COL25A1: variants seen among roughly 807,000 people sequenced by gnomAD.
COL25A1 encodes collagen type XXV alpha 1 chain, also known as collagen alpha-1(XXV) chain.
In COL25A1, 103 loss-of-function variants were observed where a neutral mutation model predicts 128.4. The observed-to-expected ratio is 0.80, with a 90% CI of 0.68 to 0.94. The LOEUF is 0.94. Among genes scored for constraint, COL25A1 ranks in the 40% least tolerant of loss-of-function variants. COL25A1 has a pLI of 0.00. For synonymous variants in COL25A1, 279 were observed against 277.2 expected (o/e 1.01, Z -0.06); for missense variants, 745 against 840.0 (o/e 0.89, Z 1.40).
chr4:108,848,604 T>C (rs562232156), intron 27 of COL25A1, among the ~76,000 whole-genome samples, 155 bp downstream of exon 27: 6 of 152,296 alleles, frequency 3.9e-5, no homozygotes, highest in South Asian at 2.1e-4. Context: ...AAAACTAATG[T>C]CTGCTTTTTA....
At chr4:109,043,975 C>A (rs1259085722) in intron 5 of COL25A1, among the ~76,000 whole-genome samples, 1 of 151,922 alleles carries the variant, frequency 6.6e-6, no homozygotes, top group Non-Finnish European at 1.5e-5. Context: ...ATATGTGTTA[C>A]CTTTATGAGA....
intron 32 of COL25A1, among the ~76,000 whole-genome samples, chr4:108,829,322 G>A (rs1435073964): frequency 6.6e-6 from 1 of 152,092 alleles, no homozygotes; most frequent in Non-Finnish European, 1.5e-5. Context: ...GGGGAACAAG[G>A]TGAGACCCTA....
intron 3 of COL25A1, among the ~76,000 whole-genome samples, chr4:109,258,353 G>C (rs1781214388): frequency 6.6e-6 from 1 of 151,988 alleles, no homozygotes; most frequent in African/African-American, 2.4e-5. Context: ...TATTGCCCTA[G>C]TCAACCTGTG....
intron 23 of COL25A1, among the ~76,000 whole-genome samples, chr4:108,860,027 G>A (rs970803567): frequency 2.0e-5 from 3 of 152,152 alleles, no homozygotes; most frequent in African/African-American, 4.8e-5. Flanking sequence ...CTACTCTGAT[G>A]TGACATGTAA....
intron 3 of COL25A1, among the ~76,000 whole-genome samples, chr4:109,237,266 C>T (rs1779537992): frequency 6.6e-6 from 1 of 151,978 alleles, no homozygotes; most frequent in African/African-American, 2.4e-5. Flanking sequence ...AAAATAAGTG[C>T]TGAGGCATAA....
At chr4:109,190,468 T>C (rs182256929) in intron 3 of COL25A1, among the ~76,000 whole-genome samples, 58 of 152,256 alleles carry the variant, frequency 3.8e-4, no homozygotes, top group Admixed American at 1.1e-3. Context: ...GGCAAACATA[T>C]ATCCACACTC....
chr4:109,291,435 A>C (rs1343548681), intron 3 of COL25A1, among the ~76,000 whole-genome samples: 1 of 152,082 alleles, frequency 6.6e-6, no homozygotes, highest in Admixed American at 6.6e-5. Flanking sequence ...ATTTTTATAC[A>C]CAACCAAAAA....
intron 10 of COL25A1, among the ~76,000 whole-genome samples, chr4:108,939,682 C>T (rs1056934676): frequency 7.9e-5 from 12 of 151,974 alleles, no homozygotes; most frequent in African/African-American, 2.7e-4. Context: ...TACAAAAATA[C>T]TATGAAAATA....
chr4:109,295,708 T>A (rs956092382), intron 3 of COL25A1, among the ~76,000 whole-genome samples: 3 of 152,072 alleles, frequency 2.0e-5, no homozygotes, highest in African/African-American at 7.2e-5. Flanking sequence ...TACACAACCA[T>A]CAAGCTACAG....
intron 3 of COL25A1, among the ~76,000 whole-genome samples, chr4:109,277,198 G>C (rs1722931873): frequency 6.6e-6 from 1 of 152,030 alleles, no homozygotes; most frequent in Admixed American, 6.6e-5. Context: ...CCTTCTCCTT[G>C]TATCCCTCTC....
At chr4:108,826,292 C>G (rs1219166557) in intron 33 of COL25A1, among the ~76,000 whole-genome samples, 1 of 152,160 alleles carries the variant, frequency 6.6e-6, no homozygotes, top group Non-Finnish European at 1.5e-5. Flanking sequence ...AAATCGAGCA[C>G]TTTGAGAGGC....
intron 18 of COL25A1, among the ~76,000 whole-genome samples, chr4:108,886,492 G>GTGTTTTTT (rs58157157): frequency 0.081 from 8,845 of 109,130 alleles, 591 homozygotes; most frequent in East Asian, 0.15. Context: ...GTGTGTGTGT[G>GTGTTTTTT]TTTAGCTCAT....
rs899243600 is a variant in COL25A1 at position 108,936,296 on chromosome 4, C to T, written c.708+1512G>A. Among the ~76,000 whole-genome samples the T allele has an allele frequency of 6.6e-5, 10 of 152,068 alleles. No homozygotes were observed. In the South Asian group the frequency reaches 1.0e-3, roughly 16 times the overall value. On this transcript the variant is annotated intron_variant, in intron 11 of 37. Coordinates refer to ENST00000399132, the MANE Select transcript of COL25A1 (RefSeq NM_198721.4). ...CACCAAAAATTATCTGTATTGGGCA[C>T]GGTGGCTCACGCCTGTAATCCCAGC...
chr4:109,136,747 C>T (rs1376916940), intron 3 of COL25A1, among the ~76,000 whole-genome samples: 1 of 152,238 alleles, frequency 6.6e-6, no homozygotes, highest in Non-Finnish European at 1.5e-5. Flanking sequence ...TCAGTGACCC[C>T]CAGCTGGTGC....
intron 3 of COL25A1, among the ~76,000 whole-genome samples, chr4:109,058,144 C>A (rs970036622): frequency 6.6e-6 from 1 of 152,172 alleles, no homozygotes; most frequent in African/African-American, 2.4e-5. Flanking sequence ...TGTTGCAGTT[C>A]ATTGACTTTA....
chr4:109,110,163 G>A (rs1172724617), intron 3 of COL25A1, among the ~76,000 whole-genome samples: 1 of 152,032 alleles, frequency 6.6e-6, no homozygotes, highest in African/African-American at 2.4e-5. Context: ...AGCAAATATG[G>A]TTTCTTCTTA....
chr4:108,922,969 A>G (rs1340512275), intron 11 of COL25A1, among the ~76,000 whole-genome samples: 2 of 152,128 alleles, frequency 1.3e-5, no homozygotes, highest in African/African-American at 4.8e-5. Flanking sequence ...TCGGGGAGGG[A>G]TACCTGGGAT....
At chr4:109,017,250 G>A (rs1447752401) in intron 5 of COL25A1, among the ~76,000 whole-genome samples, 1 of 152,232 alleles carries the variant, frequency 6.6e-6, no homozygotes, top group Non-Finnish European at 1.5e-5. Flanking sequence ...CTGGCTGTGT[G>A]CAATGGCTGG....
intron 30 of COL25A1, among the ~76,000 whole-genome samples, chr4:108,844,162 G>A (rs1734796832): frequency 1.3e-5 from 2 of 152,302 alleles, no homozygotes; most frequent in Non-Finnish European, 2.9e-5. Context: ...GTGTTGGCAT[G>A]AGCCATTGTG....
Sources: gnomAD v4.1 joint callset for allele counts (sites outside exome capture counted in the v4.1 genomes callset) on GRCh38, gnomAD v4.1.1 for gene constraint, MANE v1.5 for transcripts, NCBI Gene and HGNC (gene_info 2026-07-23, HGNC 2026-07-21) for gene names.